Variants in MMS22L observed in about 807,000 individuals in gnomAD.
The protein encoded by MMS22L is MMS22 like, DNA repair protein, also known as protein MMS22-like.
Under a neutral mutation model 159.1 loss-of-function variants are expected in MMS22L, and 74 were observed. The ratio of observed to expected loss-of-function variants is 0.47; its 90% CI spans 0.39 to 0.56. The LOEUF is 0.56. Among genes scored for constraint, MMS22L ranks in the 20% least tolerant of loss-of-function variants. The probability of loss-of-function intolerance (pLI) is 0.00; values close to 1 mark genes in which losing one functional copy is unlikely to be tolerated. For synonymous variants in MMS22L, 517 were observed against 506.9 expected (o/e 1.02, Z -0.27); for missense variants, 1,351 against 1,422.1 (o/e 0.95, Z 0.80).
chr6:97,279,353 G>A (rs893607142), intron 3 of MMS22L, among the ~76,000 whole-genome samples: 8 of 152,018 alleles, frequency 5.3e-5, no homozygotes, highest in East Asian at 3.9e-4. Context: ...GCATGGTGGC[G>A]GACGCCTGTA....
intron 14 of MMS22L, among the ~76,000 whole-genome samples, chr6:97,201,318 T>C (rs1168167674): frequency 6.6e-6 from 1 of 152,180 alleles, no homozygotes; most frequent in South Asian, 2.1e-4. Context: ...GTTCCTATAA[T>C]TCATGATCTT....
intron 11 of MMS22L, chr6:97,245,850 G>GACACACAC (rs56380746): frequency 0.054 from 6,331 of 116,242 alleles, 177 homozygotes; most frequent in Non-Finnish European, 0.064. Flanking sequence ...AGCTACTACA[G>GACACACAC]ACACACACAC....
chr6:97,271,670 T>C (rs1003168269), intron 6 of MMS22L: 14 of 152,296 alleles, frequency 9.2e-5, no homozygotes, highest in Admixed American at 7.8e-4. Flanking sequence ...AAACATTTAA[T>C]TCTACTTATT....
chr6:97,188,614 T>C (rs1479671350), intron 14 of MMS22L, among the ~76,000 whole-genome samples: 1 of 152,152 alleles, frequency 6.6e-6, no homozygotes, highest in African/African-American at 2.4e-5. Flanking sequence ...CACTAAGACA[T>C]GCACCCTTAT....
intron 22 of MMS22L, among the ~76,000 whole-genome samples, chr6:97,153,813 T>C (rs912702318): frequency 6.6e-6 from 1 of 152,222 alleles, no homozygotes. Context: ...TGCTTTTTTA[T>C]AGCCAAACAA....
At chr6:97,273,986 G>C (rs910008807) in intron 4 of MMS22L, among the ~76,000 whole-genome samples, 6 of 152,112 alleles carry the variant, frequency 3.9e-5, no homozygotes, top group African/African-American at 1.4e-4. Flanking sequence ...AATTTATAAA[G>C]CTCTGAACGA....
chr6:97,246,414 C>T (rs900001177), intron 11 of MMS22L, among the ~76,000 whole-genome samples: 6 of 152,162 alleles, frequency 3.9e-5, no homozygotes, highest in African/African-American at 1.4e-4. Flanking sequence ...TTGTCAAAGT[C>T]ATCAACTAGG....
chr6:97,156,445 T>A (rs530484703), intron 22 of MMS22L, among the ~76,000 whole-genome samples: 10 of 152,330 alleles, frequency 6.6e-5, no homozygotes, highest in African/African-American at 2.4e-4. Context: ...GTTTTTATGG[T>A]TTTAGGTCTT....
In MMS22L at chr6:97,267,951, G is replaced by T; in HGVS notation, c.749C>A (p.Thr250Asn). 6.2e-7 allele frequency: 1 copy of T among 1,607,990 alleles called. No homozygotes were observed. ...QFMNLASDNLTNISLFEEHCE... is the reference protein window; with the variant it reads ...QFMNLASDNLNNISLFEEHCE... ...ATGTTCTTCAAATAGGCTGATGTTG[G>T]TTAAATTGTCACTTGCCAGATTCAT... Residue 250 changes from threonine (T) to asparagine (N), a missense_variant, in exon 8 of 25, where the codon ACC (threonine) becomes AAC (asparagine). Transcript: ENST00000683635.
intron 4 of MMS22L, among the ~76,000 whole-genome samples, chr6:97,276,323 T>G (rs1816239109): frequency 6.6e-6 from 1 of 152,304 alleles, no homozygotes; most frequent in South Asian, 2.1e-4. Flanking sequence ...AATGTCAGTG[T>G]AACAAACAAC....
At chr6:97,191,639 A>G (rs1195727781) in intron 14 of MMS22L, among the ~76,000 whole-genome samples, 2 of 152,212 alleles carry the variant, frequency 1.3e-5, no homozygotes, top group African/African-American at 4.8e-5. Context: ...AAGTTGTTCC[A>G]AACCACTATG....
chr6:97,280,350 T>C (rs1464781321), intron 3 of MMS22L, among the ~76,000 whole-genome samples: 2 of 152,180 alleles, frequency 1.3e-5, no homozygotes, highest in Non-Finnish European at 2.9e-5. Context: ...AGTTTTTTTT[T>C]TGAGACAGAG....
At chr6:97,221,988 G>T (rs1033676086) in intron 14 of MMS22L, among the ~76,000 whole-genome samples, 6 of 151,992 alleles carry the variant, frequency 3.9e-5, no homozygotes, top group South Asian at 4.1e-4. Context: ...GAAAAAGCTT[G>T]CATGCTGTCA....
intron 10 of MMS22L, among the ~76,000 whole-genome samples, chr6:97,251,504 C>T (rs909754666): frequency 6.6e-5 from 10 of 152,092 alleles, no homozygotes; most frequent in African/African-American, 2.2e-4. Flanking sequence ...TCTTTGAGGA[C>T]TCATATATAA....
rs78464177 is a variant in MMS22L at position 97,221,702 on chromosome 6, A to G, written c.2039+7192T>C. On this transcript the variant is annotated intron_variant, in intron 14 of 24. Transcript: ENST00000683635. ...AAAAGGCAATGGATTACTCCTTGTA[A>G]GCAACAATATCTCTACTTGGTTTTT... Among the ~76,000 whole-genome samples the G allele has an allele frequency of 4.5e-3, 680 of 152,192 alleles. 4 individuals carry two copies. Among genetic ancestry groups the G allele is most frequent in the African/African-American group, 0.015 (633 of 41,566 alleles).
intron 14 of MMS22L, among the ~76,000 whole-genome samples, chr6:97,207,131 A>G (rs934673946): frequency 2.6e-5 from 4 of 152,176 alleles, no homozygotes; most frequent in African/African-American, 9.7e-5. Context: ...AGGCAATACA[A>G]CTTTGTGGTA....
rs1378496912 is a variant in MMS22L, at chr6:97,229,296, T to A, written c.1637A>T (p.Asp546Val). Residue 546 changes from aspartate (D) to valine (V), a missense_variant, in exon 14 of 25, where the codon GAT becomes GTT. Asp to Val is a radical substitution (Grantham distance 152). Coordinates refer to ENST00000683635, the MANE Select transcript of MMS22L (RefSeq NM_001350599.2). ...GAGGTCTAAAACATGACTTGCAACA[T>A]CTTCTACCTCTGCAACAGCTGCTAA... The part of the protein sequence containing the change: ...LLLAAVAEVE[D>V]VASHVLDLLN... 6.2e-7 allele frequency: 1 copy of A among 1,614,156 alleles called. No individual in the cohort carries two copies. Among genetic ancestry groups the A allele is most frequent in the Admixed American group, 1.7e-5 (1 of 60,018 alleles).
rs1562474617 is a variant in MMS22L at position 97,221,551 on chromosome 6, T to A, written c.2039+7343A>T. Among the ~76,000 whole-genome samples, 8 of 151,258 alleles carry A rather than the reference T, an allele frequency of 5.3e-5. No homozygotes were observed. In the South Asian group the frequency reaches 1.7e-3, roughly 31 times the overall value. ...TATAGTATATATCTAAATACTCAGC[T>A]GAAAGATATAAAAAATATTTAACTA... On this transcript the variant is annotated intron_variant, in intron 14 of 24. Coordinates refer to ENST00000683635, the MANE Select transcript of MMS22L (RefSeq NM_001350599.2).
rs766315467 is a variant in MMS22L at position 97,162,051 on chromosome 6, T to G, written c.3336A>C (p.Leu1112=). The change falls in exon 22 of 25, where the codon CTA becomes CTC. Residue 1112 remains leucine (L), a synonymous_variant. Coordinates refer to ENST00000683635, the MANE Select transcript of MMS22L (RefSeq NM_001350599.2). ...AGCATTTTAAAATGCCAGGGAGGAG[T>G]AGTTCAACTTCATAAATGTCTGTGT... is the stretch of plus-strand genomic sequence containing the variant. ...ETNTDIYEVE[L]LLPGILKCLV... 5.6e-5 allele frequency: 91 copies of G among 1,611,592 alleles called. 1 individual carries two copies. The South Asian group carries it at 9.7e-4, about 17-fold the overall frequency.
Sources: allele counts gnomAD v4.1 joint callset (sites outside exome capture counted in the v4.1 genomes callset), GRCh38; gene constraint gnomAD v4.1.1; transcripts MANE v1.5; gene names NCBI Gene and HGNC (gene_info 2026-07-23, HGNC 2026-07-21).